Variants in CCDC47 observed in about 807,000 individuals in gnomAD.
The protein encoded by CCDC47 is PAT complex subunit CCDC47.
CCDC47 carries 41 observed loss-of-function variants against 60.5 expected under a neutral mutation model. The ratio of observed to expected loss-of-function variants is 0.68; its 90% CI spans 0.53 to 0.88. The LOEUF (loss-of-function observed/expected upper bound fraction) is 0.88. CCDC47 is among the 40% of genes least tolerant of loss of function. The pLI is 0.00. For missense variants in CCDC47, 513 were observed against 580.9 expected, an observed-to-expected ratio of 0.88 and a Z score of 1.20; for synonymous variants, 195 against 190.7, an observed-to-expected ratio of 1.02 and a Z score of -0.18.
intron 1 of CCDC47, among the ~76,000 whole-genome samples, chr17:63,772,250 G>GTT (rs34509265): frequency 0.019 from 1,758 of 90,480 alleles, 63 homozygotes; most frequent in African/African-American, 0.025. Flanking sequence ...TGTACCAAGG[G>GTT]TTTTTTTTTT....
chr17:63,757,353 C>A (rs1338042891), intron 6 of CCDC47, among the ~76,000 whole-genome samples: 1 of 146,094 alleles, frequency 6.8e-6, no homozygotes, highest in African/African-American at 2.5e-5. Context: ...GGTGACAGAG[C>A]AAGACCCTGT....
At chr17:63,750,611 G>T (rs1225774774) in intron 12 of CCDC47, among the ~76,000 whole-genome samples, 2 of 150,912 alleles carry the variant, frequency 1.3e-5, no homozygotes, top group South Asian at 4.2e-4. Context: ...TTGAGACAGG[G>T]TCTCCCTCTG....
intron 1 of CCDC47, among the ~76,000 whole-genome samples, chr17:63,771,068 A>G (rs558231782): frequency 5.8e-5 from 7 of 121,118 alleles, no homozygotes; most frequent in African/African-American, 1.7e-4. Flanking sequence ...AAGAAATTAA[A>G]TGTTCTTAGA....
In CCDC47 at chr17:63,765,976, G is replaced by T. The variant is rs764525299; in HGVS notation, c.200C>A (p.Thr67Asn). Residue 67 changes from threonine to asparagine, a missense_variant, in exon 2 of 13, where the codon ACC becomes AAC. By Grantham distance (65) the Thr-to-Asn change is moderately conservative. Transcript: ENST00000225726. The part of the protein sequence containing the change: ...VIITEDDEDE[T>N]TVELEGQDEN... ...ATCCTGCCCTTCCAACTCCACAGTG[G>T]TCTCATCTTCATCATCTTCAGTGAT... 1.1e-5 allele frequency: 17 copies of T among 1,613,816 alleles called. No homozygotes were observed. Among genetic ancestry groups the T allele is most frequent in the African/African-American group, 2.7e-5 (2 of 74,852 alleles).
chr17:63,753,898 G>C (rs1030783212), intron 9 of CCDC47, among the ~76,000 whole-genome samples: 4 of 152,076 alleles, frequency 2.6e-5, no homozygotes, highest in African/African-American at 9.7e-5. Context: ...ACGAGGTCAG[G>C]AGTTCGAGAC....
At chr17:63,772,586 T>TC (rs1191226192) in intron 1 of CCDC47, among the ~76,000 whole-genome samples, 2 of 151,960 alleles carry the variant, frequency 1.3e-5, no homozygotes, top group African/African-American at 4.8e-5. Context: ...AACTTTTTTT[T>TC]CATATAGAAG....
intron 12 of CCDC47, among the ~76,000 whole-genome samples, chr17:63,751,291 G>T (rs961533855): frequency 1.4e-5 from 2 of 141,734 alleles, no homozygotes; most frequent in Non-Finnish European, 1.5e-5. Flanking sequence ...GCTTGAACCC[G>T]GGAGGCGGAG....
chr17:63,764,020 TA>T lies in CCDC47; in HGVS notation c.542del (p.Leu181Ter), dbSNP rs764632486. 1 of 1,588,344 alleles carries T rather than the reference TA, an allele frequency of 6.3e-7. No homozygotes were observed. ...GCTGACATTGGCCTCACTTACCCAC[TA>T]AAGTAAAGTTGCTCTCCAAAAGCTC... ...HRELLESNFT[L>X]VGDDGTNKEA... On this transcript the variant is annotated frameshift_variant, in exon 4 of 13. Transcript: ENST00000225726. LOFTEE classifies it high-confidence loss of function.
At position 63,745,931 on chromosome 17, in the gene CCDC47, T is replaced by C. The variant is rs1346290452; in HGVS notation, c.*950A>G. The C allele has an allele frequency of 6.6e-6, 1 of 152,202 alleles. No individual in the cohort carries two copies. Among genetic ancestry groups the C allele is most frequent in the African/African-American group, 2.4e-5 (1 of 41,454 alleles). The allele number at this position is 152,202 out of a possible 1,614,324, so 9.4% of individuals were successfully genotyped here. A position where few individuals can be genotyped will look rare whatever the true frequency, so the allele number is the denominator to read the frequency against. ...CTTACACATATTCATGGCCATTTCTTTGAAAGAACATACCCAGCCTCAACT... is the reference window on the plus strand; with the variant it reads ...CTTACACATATTCATGGCCATTTCTCTGAAAGAACATACCCAGCCTCAACT... On this transcript the variant is annotated 3_prime_UTR_variant, in exon 13 of 13. Transcript: ENST00000225726.
Position 63,760,995 on chromosome 17 carries a change from GAAGT to G in CCDC47, c.670-20_670-17del. 1.9e-6 allele frequency: 3 copies of G among 1,608,426 alleles called. No individual in the cohort carries two copies. The highest frequency in any genetic ancestry group is 2.6e-6 in the Non-Finnish European group (3 of 1,175,512). On this transcript the variant is annotated splice_polypyrimidine_tract_variant and intron_variant, in intron 5 of 12. Transcript: ENST00000225726. ...TCTTGAGGAACTGAAAAAAATGAGA[GAAGT>G]AAGTAAATCCAACTGCAACTCCTAC...
At position 63,765,997 on chromosome 17, in the gene CCDC47, G is replaced by A; in HGVS notation, c.179C>T (p.Thr60Ile). The change falls in exon 2 of 13, where the codon ACT becomes ATT. Residue 60 changes from threonine to isoleucine, a missense_variant. Physicochemically the swap from Thr to Ile is moderately conservative, Grantham distance 89 (BLOSUM62 -1). Transcript: ENST00000225726. Reference sequence around the variant, plus strand: ...AGTGGTCTCATCTTCATCATCTTCAGTGATTATGACCCGTTGAGGAGATTC... The same window carrying A: ...AGTGGTCTCATCTTCATCATCTTCAATGATTATGACCCGTTGAGGAGATTC... ...VTESPQRVII[T>I]EDDEDETTVE... 6.2e-7 allele frequency: 1 copy of A among 1,613,784 alleles called. No individual in the cohort carries two copies. The highest frequency in any genetic ancestry group is 1.3e-5 in the African/African-American group (1 of 74,972).
chr17:63,747,065 C>T, intron 12 of CCDC47, 104 bp from the exon 13 acceptor site: 2 of 1,483,162 alleles, frequency 1.3e-6, no homozygotes, highest in Non-Finnish European at 1.8e-6. Flanking sequence ...AGAATACTGC[C>T]TATAGTATTA....
chr17:63,759,259 C>T (rs112683329), intron 6 of CCDC47, among the ~76,000 whole-genome samples: 2 of 151,040 alleles, frequency 1.3e-5, no homozygotes, highest in Admixed American at 1.3e-4. Context: ...GAGGCTGAGG[C>T]GGGTGGATCA....
At chr17:63,754,342 G>A in intron 9 of CCDC47, 91 bp downstream of exon 9, 1 of 759,394 alleles carries the variant, frequency 1.3e-6, no homozygotes, top group Non-Finnish European at 2.3e-6. Context: ...TCACACATTT[G>A]GTAAGGGATA....
chr17:63,766,159 G>A lies in CCDC47; in HGVS notation c.17C>T (p.Thr6Ile). The A allele has an allele frequency of 6.2e-7, 1 of 1,610,734 alleles. No individual in the cohort carries two copies. Among genetic ancestry groups the A allele is most frequent in the Non-Finnish European group, 8.5e-7 (1 of 1,179,062 alleles). Residue 6 changes from threonine to isoleucine, a missense_variant, in exon 2 of 13, where the codon ACT becomes ATT. Coordinates refer to ENST00000225726, the MANE Select transcript of CCDC47 (RefSeq NM_020198.3). MKAFH[T>I]FCVVLLVFGS... ...AAACACCAGAAGGACAACACAGAAAGTGTGGAAGGCTTTCATTGCACCTTG... is the reference window on the plus strand; with the variant it reads ...AAACACCAGAAGGACAACACAGAAAATGTGGAAGGCTTTCATTGCACCTTG...
At chr17:63,752,875 T>A in intron 9 of CCDC47, 76 bp from the exon 10 acceptor site, 1 of 1,554,920 alleles carries the variant, frequency 6.4e-7, no homozygotes, top group East Asian at 2.4e-5. Context: ...CCCAATACAC[T>A]TAGATGAACA....
At chr17:63,756,199 A>G (rs1568247788) in intron 8 of CCDC47, 41 bp downstream of exon 8, 2 of 1,377,046 alleles carry the variant, frequency 1.5e-6, no homozygotes, top group Non-Finnish European at 2.1e-6. Context: ...TGTCCTGTAA[A>G]TGCCAAGGCC....
At chr17:63,761,914 G>T in intron 4 of CCDC47, 2 of 701,398 alleles carry the variant, frequency 2.9e-6, no homozygotes, top group Non-Finnish European at 3.5e-6. Flanking sequence ...ACGATGATCA[G>T]CTTAGAGTAT....
intron 1 of CCDC47, among the ~76,000 whole-genome samples, chr17:63,768,005 T>C (rs922298679): frequency 6.6e-6 from 1 of 152,204 alleles, no homozygotes; most frequent in East Asian, 1.9e-4. Context: ...AGCCACCATA[T>C]TATTTTAAAT....
Sources: gnomAD v4.1 joint callset for allele counts (sites outside exome capture counted in the v4.1 genomes callset) on GRCh38, gnomAD v4.1.1 for gene constraint, MANE v1.5 for transcripts, NCBI Gene and HGNC (gene_info 2026-07-23, HGNC 2026-07-21) for gene names.